The following FGF20 variants were observed in gnomAD, a reference collection of about 807,000 sequenced individuals.
FGF20 encodes the protein fibroblast growth factor 20.
In FGF20, 8 loss-of-function variants were observed where a neutral mutation model predicts 16.7. The observed-to-expected ratio is 0.48, with a 90% CI of 0.28 to 0.87. The LOEUF (loss-of-function observed/expected upper bound fraction) is 0.87. FGF20 is among the 40% of genes least tolerant of loss of function. The pLI is 0.10. For missense variants in FGF20, 397 were observed against 281.4 expected, an observed-to-expected ratio of 1.41 and a Z score of -2.94; for synonymous variants, 161 against 118.6, an observed-to-expected ratio of 1.36 and a Z score of -2.32.
intron 2 of FGF20, among the ~76,000 whole-genome samples, chr8:16,995,171 G>T (rs1007976458): frequency 6.6e-6 from 1 of 152,168 alleles, no homozygotes; most frequent in African/African-American, 2.4e-5. Context: ...GAAGAACAGT[G>T]TGTTTGCCAT....
At chr8:16,993,852 A>G (rs983633272) in intron 2 of FGF20, among the ~76,000 whole-genome samples, 1 of 152,136 alleles carries the variant, frequency 6.6e-6, no homozygotes, top group African/African-American at 2.4e-5. Flanking sequence ...AATAGGGTTC[A>G]TGCTCCTATG....
chr8:17,000,699 C>G (rs1230589683), intron 1 of FGF20, among the ~76,000 whole-genome samples: 2 of 152,010 alleles, frequency 1.3e-5, no homozygotes, highest in Non-Finnish European at 2.9e-5. Flanking sequence ...AGCACCCCAT[C>G]TTTGTACAGA....
chr8:17,001,614 G>C (rs75899977), intron 1 of FGF20, 133 bp downstream of exon 1: 102 of 1,019,702 alleles, frequency 1.0e-4, no homozygotes, highest in Middle Eastern at 3.4e-4. Flanking sequence ...TCTTGCACCG[G>C]ATGGGTCCAG....
intron 1 of FGF20, among the ~76,000 whole-genome samples, chr8:16,996,243 T>C (rs17550158): frequency 0.022 from 3,295 of 152,246 alleles, 58 homozygotes; most frequent in Non-Finnish European, 0.033. Context: ...ATGAGCCTAG[T>C]CTTTCCTGGT....
At chr8:17,000,660 G>A (rs1370968618) in intron 1 of FGF20, among the ~76,000 whole-genome samples, 1 of 152,042 alleles carries the variant, frequency 6.6e-6, no homozygotes. Context: ...TCAGCTATGG[G>A]GAAAGATCCT....
intron 1 of FGF20, among the ~76,000 whole-genome samples, chr8:16,999,048 G>A (rs1585103220): frequency 6.6e-6 from 1 of 152,110 alleles, no homozygotes; most frequent in Non-Finnish European, 1.5e-5. Context: ...AGCACATAAT[G>A]TTATATAGCT....
Position 17,001,924 on chromosome 8 carries a change from G to C in FGF20, c.109C>G (p.Leu37Val). 1.3e-6 allele frequency: 2 copies of C among 1,491,914 alleles called. No homozygotes were observed. Among genetic ancestry groups the C allele is most frequent in the South Asian group, 2.6e-5 (2 of 78,122 alleles). 92.4% of individuals were successfully genotyped at this position (1,491,914 alleles called of 1,614,324 possible). ...LPPAGERPPL[L>V]GERRSAAERS... ...TCCGCCGCGCTCCTGCGCTCGCCCAGCAGCGGCGGCCGCTCCCCGGCAGGA... is the reference window on the plus strand; with the variant it reads ...TCCGCCGCGCTCCTGCGCTCGCCCACCAGCGGCGGCCGCTCCCCGGCAGGA... Residue 37 changes from leucine (L) to valine (V), a missense_variant, in exon 1 of 3, where the codon CTG (leucine) becomes GTG (valine). Coordinates refer to ENST00000180166, the MANE Select transcript of FGF20 (RefSeq NM_019851.3).
In FGF20 at chr8:17,002,167, C is replaced by G; in HGVS notation, c.-135G>C. 1 of 871,580 alleles carries G rather than the reference C, an allele frequency of 1.1e-6. No individual in the cohort carries two copies. 54.0% of individuals were successfully genotyped at this position (871,580 alleles called of 1,614,324 possible). Reference sequence around the variant, plus strand: ...CCCGGTTACTCCTCTGAGGTCGCTCCGGAGGGACTTTGCACTGAAATGGCA... The same window carrying G: ...CCCGGTTACTCCTCTGAGGTCGCTCGGGAGGGACTTTGCACTGAAATGGCA... On this transcript the variant is annotated 5_prime_UTR_variant, in exon 1 of 3. Coordinates refer to ENST00000180166, the MANE Select transcript of FGF20 (RefSeq NM_019851.3).
At chr8:17,001,451 G>A (rs2150437100) in intron 1 of FGF20, among the ~76,000 whole-genome samples, 1 of 152,210 alleles carries the variant, frequency 6.6e-6, no homozygotes, top group Non-Finnish European at 1.5e-5. Context: ...GGAAGGGCAA[G>A]GGGAAGGCAG....
intron 1 of FGF20, among the ~76,000 whole-genome samples, chr8:17,000,099 T>G (rs968235724): frequency 6.6e-6 from 1 of 152,056 alleles, no homozygotes; most frequent in African/African-American, 2.4e-5. Flanking sequence ...CAGTGGCTCA[T>G]GCCTGTAATC....
rs148423758 is a variant in FGF20 at position 17,002,208 on chromosome 8, T to C, written c.-176A>G. 6 of 576,644 alleles carry C rather than the reference T, an allele frequency of 1.0e-5. No individual in the cohort carries two copies. The highest frequency in any genetic ancestry group is 8.7e-5 in the Admixed American group (2 of 22,868). The allele number at this position is 576,644 out of a possible 1,614,324, so 35.7% of individuals were successfully genotyped here. ...TGAAATGGCAGGGAAGCTCTCACTG[T>C]CTTGGAGCGATCTTCTCTCCTTGGG... On this transcript the variant is annotated 5_prime_UTR_variant, in exon 1 of 3. Coordinates refer to ENST00000180166, the MANE Select transcript of FGF20 (RefSeq NM_019851.3).
intron 1 of FGF20, among the ~76,000 whole-genome samples, 167 bp downstream of exon 1, chr8:17,001,579 GC>G (rs1007879498): frequency 1.3e-5 from 2 of 152,202 alleles, no homozygotes; most frequent in Admixed American, 6.5e-5. Context: ...GGCTGCTCTG[GC>G]CAGCCCTTCA....
intron 2 of FGF20, 99 bp downstream of exon 2, chr8:16,995,556 T>C: frequency 2.0e-6 from 1 of 506,938 alleles, no homozygotes; most frequent in Non-Finnish European, 3.3e-6. Context: ...ATGTTTTATA[T>C]ACTTCTACCA....
rs1810197668 is a variant in FGF20 at position 17,001,926 on chromosome 8, A to G, written c.107T>C (p.Leu36Pro). 1.3e-6 allele frequency: 2 copies of G among 1,492,308 alleles called. No individual in the cohort carries two copies. Among genetic ancestry groups the G allele is most frequent in the Admixed American group, 2.4e-5 (1 of 41,644 alleles). The allele number at this position is 1,492,308 out of a possible 1,614,324, so 92.4% of individuals were successfully genotyped here. A position where few individuals can be genotyped will look rare whatever the true frequency, so the allele number is the denominator to read the frequency against. ...LLPPAGERPPLLGERRSAAER... is the reference protein window; with the variant it reads ...LLPPAGERPPPLGERRSAAER... ...CGCCGCGCTCCTGCGCTCGCCCAGC[A>G]GCGGCGGCCGCTCCCCGGCAGGAGG... Residue 36 changes from leucine to proline, a missense_variant, in exon 1 of 3, where the codon CTG (leucine) becomes CCG (proline). Transcript: ENST00000180166.
rs1283715691 is a variant in FGF20, at chr8:17,002,009, C to A, written c.24G>T (p.Gly8=). ...AGCCCTCCAGGCCGCCCAGAAAGCC[C>A]CCGACTTCGGCTAAGGGAGCCATGG... MAPLAEV[G]GFLGGLEGLG... is the part of the protein sequence containing the mutation. The change falls in exon 1 of 3, where the codon GGG becomes GGT. Residue 8 remains glycine (G), a synonymous_variant. Transcript: ENST00000180166. 1.3e-6 allele frequency: 2 copies of A among 1,536,056 alleles called. No individual in the cohort carries two copies. The highest frequency in any genetic ancestry group is 1.8e-6 in the Non-Finnish European group (2 of 1,141,950).
intron 1 of FGF20, among the ~76,000 whole-genome samples, chr8:16,996,233 A>G (rs10088752): frequency 0.042 from 6,408 of 151,906 alleles, 445 homozygotes; most frequent in African/African-American, 0.15. Context: ...CTATGTGTCC[A>G]TGAGCCTAGT....
rs1585105121 is a variant in FGF20 at position 17,002,122 on chromosome 8, A to G, written c.-90T>C. On this transcript the variant is annotated 5_prime_UTR_variant, in exon 1 of 3. Transcript: ENST00000180166. ...GTGGATAGAGAAAAATTATAGCAAA[A>G]CGAGCGCAAAAAGTTAAGGCCCGGT... The G allele has an allele frequency of 2.2e-6, 3 of 1,358,872 alleles. No individual in the cohort carries two copies. The highest frequency in any genetic ancestry group is 6.3e-5 in the East Asian group (2 of 31,510). The allele number at this position is 1,358,872 out of a possible 1,614,324, so 84.2% of individuals were successfully genotyped here.
In FGF20 at chr8:17,002,006, GC is replaced by G. The variant is rs1302222085; in HGVS notation, c.26del (p.Gly9AlafsTer113). 1 of 1,535,086 alleles carries G rather than the reference GC, an allele frequency of 6.5e-7. No individual in the cohort carries two copies. The highest frequency in any genetic ancestry group is 8.8e-7 in the Non-Finnish European group (1 of 1,141,372). MAPLAEVG[G>X]FLGGLEGLGQ... The stretch of plus-strand genomic sequence containing the variant: ...CCAAGCCCTCCAGGCCGCCCAGAAA[GC>G]CCCCGACTTCGGCTAAGGGAGCCAT... On this transcript the variant is annotated frameshift_variant, in exon 1 of 3. Coordinates refer to ENST00000180166, the MANE Select transcript of FGF20 (RefSeq NM_019851.3). LOFTEE classifies it high-confidence loss of function.
At chr8:17,000,955 A>T (rs1473212551) in intron 1 of FGF20, among the ~76,000 whole-genome samples, 1 of 152,048 alleles carries the variant, frequency 6.6e-6, no homozygotes, top group Non-Finnish European at 1.5e-5. Flanking sequence ...ATACCAAGAT[A>T]CTTGCTTTCA....
Sources: allele counts gnomAD v4.1 joint callset (sites outside exome capture counted in the v4.1 genomes callset), GRCh38; gene constraint gnomAD v4.1.1; transcripts MANE v1.5; gene names NCBI Gene and HGNC (gene_info 2026-07-23, HGNC 2026-07-21).